ARMC2: variants seen among roughly 807,000 people sequenced by gnomAD.
ARMC2 encodes armadillo repeat-containing protein 2.
ARMC2 carries 67 observed loss-of-function variants against 90.3 expected under a neutral mutation model. The observed-to-expected ratio is 0.74, with a 90% CI of 0.61 to 0.91. The LOEUF is 0.91. ARMC2 is among the 40% of genes least tolerant of loss of function. The pLI is 0.00. For synonymous variants in ARMC2, 393 were observed against 393.0 expected (o/e 1.00, Z 0.00); for missense variants, 920 against 1,030.9 (o/e 0.89, Z 1.47).
At chr6:108,996,103 T>C in the ARMC2 span, among the ~76,000 whole-genome samples, 1 of 152,224 alleles carries the variant, frequency 6.6e-6, no homozygotes, top group Admixed American at 6.5e-5. Flanking sequence ...AGGTAGGAAA[T>C]CTGTTTGGTT....
chr6:108,916,242 A>G (rs2768565), intron 10 of ARMC2, among the ~76,000 whole-genome samples: 111,126 of 152,140 alleles, frequency 0.73, 41,102 homozygotes, highest in Middle Eastern at 0.81. Flanking sequence ...TCTGTGTCAA[A>G]CATGTTCTGG....
intron 1 of ARMC2, among the ~76,000 whole-genome samples, chr6:108,853,728 A>G (rs534112254): frequency 5.9e-5 from 9 of 152,312 alleles, no homozygotes; most frequent in Admixed American, 5.2e-4. Flanking sequence ...AGTTGAATCA[A>G]TTCATTCAGT....
chr6:108,961,389 T>C (rs141309851), intron 13 of ARMC2, among the ~76,000 whole-genome samples, 183 bp from the exon 14 acceptor site: 5 of 152,150 alleles, frequency 3.3e-5, no homozygotes, highest in African/African-American at 1.2e-4. Flanking sequence ...GCCCTTGCAT[T>C]TGGGGCATTT....
At chr6:108,976,987 C>T (rs1562447042), downstream of ARMC2, among the ~76,000 whole-genome samples, 1 of 152,138 alleles carries the variant, frequency 6.6e-6, no homozygotes, top group Non-Finnish European at 1.5e-5. Flanking sequence ...AACTGAATAC[C>T]CTTTATTTCT....
the ARMC2 span, among the ~76,000 whole-genome samples, chr6:108,985,271 C>A: frequency 6.6e-6 from 1 of 150,418 alleles, no homozygotes; most frequent in Non-Finnish European, 1.5e-5. Flanking sequence ...AAAATTTTCC[C>A]AAATACGGCC....
At chr6:109,004,433 A>G in the ARMC2 span, among the ~76,000 whole-genome samples, 1 of 151,878 alleles carries the variant, frequency 6.6e-6, no homozygotes, top group Non-Finnish European at 1.5e-5. Flanking sequence ...AAAATCCCCA[A>G]CAATCTTTTT....
intron 3 of ARMC2, among the ~76,000 whole-genome samples, chr6:108,859,213 C>G (rs1042000906): frequency 6.6e-6 from 1 of 152,194 alleles, no homozygotes; most frequent in African/African-American, 2.4e-5. Flanking sequence ...ATGAGGCATT[C>G]TATGGATTTA....
the ARMC2 span, among the ~76,000 whole-genome samples, chr6:108,980,842 A>C: frequency 6.6e-6 from 1 of 152,156 alleles, no homozygotes; most frequent in Admixed American, 6.5e-5. Context: ...GTAAGCCGAG[A>C]TTGTGCCACT....
chr6:109,000,727 T>A, the ARMC2 span: 21 of 1,309,814 alleles, frequency 1.6e-5, no homozygotes, highest in African/African-American at 2.0e-4. Flanking sequence ...GAACTACATA[T>A]CCTTTTTATT....
intron 11 of ARMC2, 29 bp from the exon 12 acceptor site, chr6:108,936,871 C>G (rs749561740): frequency 9.8e-6 from 15 of 1,534,300 alleles, no homozygotes; most frequent in Non-Finnish European, 1.3e-5. Flanking sequence ...CAAAGTTTAC[C>G]TTTATTTTCC....
the ARMC2 span, among the ~76,000 whole-genome samples, chr6:109,010,361 C>T: frequency 2.0e-5 from 3 of 152,176 alleles, no homozygotes; most frequent in African/African-American, 4.8e-5. Context: ...TCTATTCTCT[C>T]TCTTTAAAAG....
In ARMC2 at chr6:108,876,241, T is replaced by A. The variant is rs1236064411; in HGVS notation, c.562T>A (p.Leu188Ile). ...YLTKSNAICHLKSHPLQLTDD... is the reference protein window; with the variant it reads ...YLTKSNAICHIKSHPLQLTDD... ...AACAAAATCAAATGCTATTTGCCACTTAAAGAGTCACCCACTTCAGCTAAC... is the reference window on the plus strand; with the variant it reads ...AACAAAATCAAATGCTATTTGCCACATAAAGAGTCACCCACTTCAGCTAAC... The change falls in exon 5 of 18, where the codon TTA becomes ATA. Residue 188 changes from leucine to isoleucine, a missense_variant. By Grantham distance (5) the Leu-to-Ile change is conservative (BLOSUM62 2). Transcript: ENST00000392644. The A allele has an allele frequency of 6.2e-7, 1 of 1,613,096 alleles. No homozygotes were observed. The highest frequency in any genetic ancestry group is 8.5e-7 in the Non-Finnish European group (1 of 1,179,604).
chr6:108,979,903 AG>A, the ARMC2 span, among the ~76,000 whole-genome samples: 116 of 151,656 alleles, frequency 7.6e-4, 1 homozygote, highest in Non-Finnish European at 1.5e-3. Context: ...ACCTTTTTTC[AG>A]GGTTCTTAGC....
At chr6:108,915,238 G>A (rs991645801) in intron 10 of ARMC2, among the ~76,000 whole-genome samples, 3 of 152,132 alleles carry the variant, frequency 2.0e-5, no homozygotes, top group Non-Finnish European at 2.9e-5. Context: ...TTATAGGTGT[G>A]AGTTACTGTG....
chr6:108,965,224 A>G (rs766888739), intron 17 of ARMC2, 84 bp downstream of exon 17: 16 of 1,238,578 alleles, frequency 1.3e-5, no homozygotes, highest in Non-Finnish European at 1.8e-5. Flanking sequence ...GATAAATATT[A>G]GTATGCATTT....
chr6:108,965,170 A>T (rs1196824760), intron 17 of ARMC2, 30 bp downstream of exon 17: 3 of 1,564,776 alleles, frequency 1.9e-6, no homozygotes, highest in African/African-American at 1.3e-5. Flanking sequence ...TGAGTCTGTG[A>T]GTTTTATCAG....
intron 13 of ARMC2, among the ~76,000 whole-genome samples, chr6:108,958,053 C>T (rs895921568): frequency 6.6e-6 from 1 of 152,136 alleles, no homozygotes; most frequent in Non-Finnish European, 1.5e-5. Flanking sequence ...TCTCATCTGA[C>T]CCCTAAATTC....
rs191900724 is a variant in ARMC2 at position 108,908,857 on chromosome 6, G to A, written c.1024-2042G>A. Reference sequence around the variant, plus strand: ...GGCCAAGGTGGGTGGATCACTTGAGGTCAGGAGTTCGAGACCAGCCTGGCC... The same window carrying A: ...GGCCAAGGTGGGTGGATCACTTGAGATCAGGAGTTCGAGACCAGCCTGGCC... On this transcript the variant is annotated intron_variant, in intron 8 of 17. Coordinates refer to ENST00000392644, the MANE Select transcript of ARMC2 (RefSeq NM_032131.6). Among the ~76,000 whole-genome samples, 8 of 152,124 alleles carry A rather than the reference G, an allele frequency of 5.3e-5. No homozygotes were observed. The East Asian group carries it at 1.6e-3, about 30-fold the overall frequency.
intron 6 of ARMC2, among the ~76,000 whole-genome samples, chr6:108,895,061 C>T (rs1771465050): frequency 6.6e-6 from 1 of 150,734 alleles, no homozygotes; most frequent in Non-Finnish European, 1.5e-5. Context: ...CCACCACGCC[C>T]GGCCTAGATG....
Sources: allele counts gnomAD v4.1 joint callset (sites outside exome capture counted in the v4.1 genomes callset), GRCh38; gene constraint gnomAD v4.1.1; transcripts MANE v1.5; gene names NCBI Gene and HGNC (gene_info 2026-07-23, HGNC 2026-07-21).